The following NAV2 variants were observed in gnomAD, a reference collection of about 807,000 sequenced individuals.
NAV2 encodes helicase, APC down-regulated 1.
In NAV2, 54 loss-of-function variants were observed where a neutral mutation model predicts 223.2. The observed-to-expected ratio is 0.24, with a 90% CI of 0.19 to 0.30. The LOEUF (loss-of-function observed/expected upper bound fraction) is 0.30. NAV2 is among the 10% of genes least tolerant of loss of function. NAV2 has a pLI of 1.00. For missense variants in NAV2, 2,806 were observed against 3,147.5 expected, an observed-to-expected ratio of 0.89 and a Z score of 2.60; for synonymous variants, 1,279 against 1,239.3, an observed-to-expected ratio of 1.03 and a Z score of -0.67.
chr11:19,916,006 C>T (rs1043519498), intron 6 of NAV2, among the ~76,000 whole-genome samples: 3 of 152,136 alleles, frequency 2.0e-5, no homozygotes, highest in Admixed American at 1.3e-4. Context: ...CCTCAGTTTC[C>T]TCATCTGTAA....
intron 1 of NAV2, among the ~76,000 whole-genome samples, chr11:19,385,814 T>C (rs561963788): frequency 1.6e-3 from 221 of 141,908 alleles, no homozygotes; most frequent in Non-Finnish European, 2.4e-3. Context: ...CAGGCTGGAG[T>C]GCATTGGCAC....
intron 1 of NAV2, among the ~76,000 whole-genome samples, chr11:19,723,938 C>T (rs947854956): frequency 7.9e-5 from 12 of 152,304 alleles, no homozygotes; most frequent in African/African-American, 2.6e-4. Flanking sequence ...TCAGACCTTC[C>T]GGTGTGCAAG....
At chr11:19,994,544 G>C (rs2051675424) in intron 11 of NAV2, among the ~76,000 whole-genome samples, 1 of 133,438 alleles carries the variant, frequency 7.5e-6, no homozygotes, top group Non-Finnish European at 1.6e-5. Flanking sequence ...AAAAAACTCT[G>C]TCTCAAAGAA....
At chr11:19,993,005 AGAAT>A (rs1198185193) in intron 11 of NAV2, among the ~76,000 whole-genome samples, 1 of 152,226 alleles carries the variant, frequency 6.6e-6, no homozygotes, top group Admixed American at 6.5e-5. Context: ...TATGAAAGCA[AGAAT>A]AAGAGGCCAA....
intron 1 of NAV2, among the ~76,000 whole-genome samples, chr11:19,611,756 C>T (rs935876175): frequency 6.6e-6 from 1 of 152,188 alleles, no homozygotes; most frequent in Non-Finnish European, 1.5e-5. Flanking sequence ...GCTGCTTTCA[C>T]AGGCTGACGT....
chr11:19,480,221 C>T (rs116865579), intron 1 of NAV2, among the ~76,000 whole-genome samples: 3,025 of 152,318 alleles, frequency 0.02, 44 homozygotes, highest in Middle Eastern at 0.034. Context: ...CTAATATGTA[C>T]TCTGAGAGTC....
At chr11:19,965,433 A>G (rs1381908858) in intron 10 of NAV2, among the ~76,000 whole-genome samples, 4 of 151,870 alleles carry the variant, frequency 2.6e-5, no homozygotes, top group East Asian at 1.9e-4. Context: ...AGACTCTTCC[A>G]TTCTCTTGTT....
chr11:19,497,356 C>T (rs760377580), intron 1 of NAV2, among the ~76,000 whole-genome samples: 1 of 152,292 alleles, frequency 6.6e-6, no homozygotes, highest in South Asian at 2.1e-4. Flanking sequence ...TGCTCAGTAA[C>T]GGGTAGCTCT....
intron 1 of NAV2, among the ~76,000 whole-genome samples, chr11:19,437,818 A>G (rs1222422431): frequency 1.3e-5 from 2 of 152,210 alleles, no homozygotes; most frequent in African/African-American, 4.8e-5. Flanking sequence ...ACTTTCTATC[A>G]TATAACTATT....
intron 1 of NAV2, among the ~76,000 whole-genome samples, chr11:19,679,332 G>A (rs1012597692): frequency 1.3e-5 from 2 of 148,732 alleles, no homozygotes; most frequent in African/African-American, 4.9e-5. Context: ...TCTGGAGGCT[G>A]AGGCAGGAGA....
At chr11:19,829,472 A>G (rs2152891530) in intron 1 of NAV2, among the ~76,000 whole-genome samples, 1 of 152,258 alleles carries the variant, frequency 6.6e-6, no homozygotes, top group South Asian at 2.1e-4. Context: ...CGATTTTGTT[A>G]TGTCCATTTC....
At chr11:19,829,838 T>C (rs1227905453) in intron 1 of NAV2, among the ~76,000 whole-genome samples, 1 of 152,230 alleles carries the variant, frequency 6.6e-6, no homozygotes, top group Non-Finnish European at 1.5e-5. Context: ...GTACTCATTT[T>C]ACAGGTGAGT....
In NAV2 at chr11:19,613,157, C is replaced by T. The variant is rs181656454; in HGVS notation, c.76-219327C>T. On this transcript the variant is annotated intron_variant, in intron 1 of 37. Transcript: ENST00000360655. ...CCCATGATTTCAATTACCCCGCCCC[C>T]GCCGTGGGTCTCTCCCACAACACTT... Among the ~76,000 whole-genome samples, 193 of 152,198 alleles carry T rather than the reference C, an allele frequency of 1.3e-3. 1 individual carries two copies. Among genetic ancestry groups the T allele is most frequent in the African/African-American group, 4.3e-3 (180 of 41,540 alleles).
intron 2 of NAV2, among the ~76,000 whole-genome samples, chr11:19,838,426 T>A (rs2060344094): frequency 6.6e-6 from 1 of 152,098 alleles, no homozygotes; most frequent in African/African-American, 2.4e-5. Flanking sequence ...AGGGAGGGCA[T>A]TCCCAGCAGA....
chr11:19,471,713 A>G (rs2041970606), intron 1 of NAV2, among the ~76,000 whole-genome samples: 1 of 152,168 alleles, frequency 6.6e-6, no homozygotes, highest in African/African-American at 2.4e-5. Flanking sequence ...TTGATTTTCA[A>G]CCAGCAAACA....
At chr11:19,904,738 G>A (rs1477020361) in intron 6 of NAV2, among the ~76,000 whole-genome samples, 1 of 152,088 alleles carries the variant, frequency 6.6e-6, no homozygotes, top group African/African-American at 2.4e-5. Context: ...ATTGTGAAAA[G>A]AACTTTTCAC....
intron 19 of NAV2, among the ~76,000 whole-genome samples, chr11:20,061,146 G>A (rs1363355017): frequency 1.3e-5 from 2 of 152,176 alleles, no homozygotes; most frequent in African/African-American, 2.4e-5. Context: ...CCTTAACATA[G>A]GAATAGTTCT....
At chr11:20,024,899 C>T (rs1400446413) in intron 11 of NAV2, among the ~76,000 whole-genome samples, 2 of 152,198 alleles carry the variant, frequency 1.3e-5, no homozygotes, top group African/African-American at 4.8e-5. Flanking sequence ...ATTTGTCCCC[C>T]ATCCCCTTTC....
intron 17 of NAV2, 43 bp from the exon 18 acceptor site, chr11:20,054,037 G>A (rs745782101): frequency 1.9e-6 from 3 of 1,591,592 alleles, no homozygotes; most frequent in South Asian, 1.1e-5. Flanking sequence ...ATTTTAATAA[G>A]CATTGTTCAT....
Sources: allele counts gnomAD v4.1 joint callset (sites outside exome capture counted in the v4.1 genomes callset), GRCh38; gene constraint gnomAD v4.1.1; transcripts MANE v1.5; gene names NCBI Gene and HGNC (gene_info 2026-07-23, HGNC 2026-07-21).